SLX4IP: variants seen among roughly 807,000 people sequenced by gnomAD.
SLX4IP encodes protein SLX4IP.
A neutral mutation model predicts 32.9 loss-of-function variants in SLX4IP; 34 were observed. The ratio of observed to expected loss-of-function variants is 1.03; its 90% CI spans 0.79 to 1.38. SLX4IP has a LOEUF of 1.38. Ranked by LOEUF, SLX4IP falls within the 40% of genes most tolerant of loss-of-function variation. The probability of loss-of-function intolerance (pLI) is 0.00; values close to 1 mark genes in which losing one functional copy is unlikely to be tolerated. For missense variants in SLX4IP, 444 were observed against 479.0 expected, an observed-to-expected ratio of 0.93 and a Z score of 0.68; for synonymous variants, 172 against 171.7, an observed-to-expected ratio of 1.00 and a Z score of -0.01.
In SLX4IP at chr20:10,539,498, T is replaced by TA. The variant is rs879928418; in HGVS notation, c.28-16721dup. On this transcript the variant is annotated intron_variant, in intron 2 of 7. Coordinates refer to ENST00000334534, the MANE Select transcript of SLX4IP (RefSeq NM_001009608.3). The stretch of plus-strand genomic sequence containing the variant: ...AGAAGCTCATTATATTTTGGTTTGT[T>TA]AAAAAAAAAAAAGAAGAAAGTGACC... Among the ~76,000 whole-genome samples the TA allele has an allele frequency of 1.3e-3, 183 of 144,064 alleles. 1 individual carries two copies. The highest frequency in any genetic ancestry group is 3.2e-3 in the African/African-American group (124 of 39,310). 94.5% of individuals were successfully genotyped at this position (144,064 alleles called of 152,430 possible).
At chr20:10,611,203 T>G (rs2066962891) in intron 6 of SLX4IP, among the ~76,000 whole-genome samples, 1 of 152,240 alleles carries the variant, frequency 6.6e-6, no homozygotes, top group Non-Finnish European at 1.5e-5. Flanking sequence ...CTTTTATTGT[T>G]GGCAGAAGGT....
intron 2 of SLX4IP, among the ~76,000 whole-genome samples, chr20:10,489,886 T>C (rs1043982234): frequency 6.6e-6 from 1 of 152,234 alleles, no homozygotes; most frequent in Non-Finnish European, 1.5e-5. Context: ...TACCGAGTTA[T>C]CTTCTGAAGG....
intron 2 of SLX4IP, among the ~76,000 whole-genome samples, chr20:10,508,306 C>T (rs891932074): frequency 6.6e-6 from 1 of 152,208 alleles, no homozygotes; most frequent in African/African-American, 2.4e-5. Context: ...AGAGCCCAGC[C>T]CTGAAAATCC....
Position 10,624,418 on chromosome 20 carries a change from T to C in SLX4IP, c.*1039T>C, listed in dbSNP as rs1409038092. On this transcript the variant is annotated 3_prime_UTR_variant, in exon 8 of 8. Transcript: ENST00000334534. ...TCCCTTTACAATGTCACCCACTGTCTCCAGTGGGCTTGATGAAATGTCACA... is the reference window on the plus strand; with the variant it reads ...TCCCTTTACAATGTCACCCACTGTCCCCAGTGGGCTTGATGAAATGTCACA... The C allele has an allele frequency of 6.6e-6, 1 of 152,174 alleles. No individual in the cohort carries two copies. The highest frequency in any genetic ancestry group is 2.4e-5 in the African/African-American group (1 of 41,438). 9.4% of individuals were successfully genotyped at this position (152,174 alleles called of 1,614,324 possible).
chr20:10,618,928 G>A (rs1447504473), intron 6 of SLX4IP, among the ~76,000 whole-genome samples: 1 of 150,666 alleles, frequency 6.6e-6, no homozygotes, highest in East Asian at 2.0e-4. Flanking sequence ...ACTTGTTTGG[G>A]GGCTTGGGGG....
intron 2 of SLX4IP, among the ~76,000 whole-genome samples, chr20:10,486,442 GA>G (rs915778744): frequency 6.6e-6 from 1 of 152,146 alleles, no homozygotes; most frequent in African/African-American, 2.4e-5. Flanking sequence ...AGAACTGAAA[GA>G]GATGGAACTG....
At chr20:10,508,359 G>C (rs540570441) in intron 2 of SLX4IP, among the ~76,000 whole-genome samples, 2 of 152,246 alleles carry the variant, frequency 1.3e-5, no homozygotes, top group African/African-American at 4.8e-5. Flanking sequence ...TCCTGGGTCA[G>C]TTTGTCCTTG....
chr20:10,528,840 T>C (rs2122460626), intron 2 of SLX4IP, among the ~76,000 whole-genome samples: 1 of 152,350 alleles, frequency 6.6e-6, no homozygotes, highest in South Asian at 2.1e-4. Context: ...GATGTTTTTG[T>C]AATTCGGGAT....
intron 2 of SLX4IP, among the ~76,000 whole-genome samples, chr20:10,519,369 A>T (rs2065884865): frequency 6.6e-6 from 1 of 151,998 alleles, no homozygotes; most frequent in Non-Finnish European, 1.5e-5. Context: ...CATTCTCCTC[A>T]TCTCTGTGCC....
chr20:10,450,634 C>T (rs1029371393), intron 1 of SLX4IP, among the ~76,000 whole-genome samples: 1 of 152,198 alleles, frequency 6.6e-6, no homozygotes, highest in South Asian at 2.1e-4. Context: ...AAATTAGGAT[C>T]TCATCACATA....
At chr20:10,594,627 C>A (rs992437223) in intron 4 of SLX4IP, among the ~76,000 whole-genome samples, 2 of 152,194 alleles carry the variant, frequency 1.3e-5, no homozygotes, top group South Asian at 2.1e-4. Context: ...TGAACTGTGA[C>A]AACCCAAATA....
intron 2 of SLX4IP, among the ~76,000 whole-genome samples, chr20:10,513,535 C>A (rs541760908): frequency 2.0e-5 from 3 of 152,330 alleles, no homozygotes; most frequent in South Asian, 2.1e-4. Flanking sequence ...CTTTTCATTA[C>A]AAAATCCTTA....
At chr20:10,488,240 AAACC>A (rs1315494533) in intron 2 of SLX4IP, among the ~76,000 whole-genome samples, 2 of 152,238 alleles carry the variant, frequency 1.3e-5, no homozygotes, top group Non-Finnish European at 2.9e-5. Flanking sequence ...GGTGAACCCT[AAACC>A]AATATGACTG....
At chr20:10,597,012 A>C (rs2066778436) in intron 4 of SLX4IP, among the ~76,000 whole-genome samples, 1 of 152,234 alleles carries the variant, frequency 6.6e-6, no homozygotes, top group Non-Finnish European at 1.5e-5. Flanking sequence ...CTGTTCTTGC[A>C]CAATCTGCAT....
intron 2 of SLX4IP, among the ~76,000 whole-genome samples, chr20:10,458,784 C>G (rs982041341): frequency 9.9e-5 from 15 of 152,110 alleles, no homozygotes; most frequent in African/African-American, 3.6e-4. Flanking sequence ...TAGGTTGATT[C>G]CATGTCTTTG....
At chr20:10,463,611 T>C (rs1404005824) in intron 2 of SLX4IP, among the ~76,000 whole-genome samples, 1 of 152,236 alleles carries the variant, frequency 6.6e-6, no homozygotes, top group Non-Finnish European at 1.5e-5. Flanking sequence ...ATCATGTATT[T>C]AAATGCATTG....
At chr20:10,531,351 G>A (rs1037845696) in intron 2 of SLX4IP, among the ~76,000 whole-genome samples, 1 of 152,176 alleles carries the variant, frequency 6.6e-6, no homozygotes, top group Non-Finnish European at 1.5e-5. Context: ...GGTATATCTT[G>A]TGGACCAACA....
chr20:10,482,975 C>T (rs1227344314), intron 2 of SLX4IP, among the ~76,000 whole-genome samples: 1 of 152,052 alleles, frequency 6.6e-6, no homozygotes, highest in Non-Finnish European at 1.5e-5. Context: ...TGCACCAGTC[C>T]CAGCCATTCA....
chr20:10,551,307 T>G (rs949394470), intron 2 of SLX4IP, among the ~76,000 whole-genome samples: 1 of 152,196 alleles, frequency 6.6e-6, no homozygotes, highest in African/African-American at 2.4e-5. Context: ...TTGTTGTTGC[T>G]GATGGCAGAG....
Sources: gnomAD v4.1 joint callset for allele counts (sites outside exome capture counted in the v4.1 genomes callset) on GRCh38, gnomAD v4.1.1 for gene constraint, MANE v1.5 for transcripts, NCBI Gene and HGNC (gene_info 2026-07-23, HGNC 2026-07-21) for gene names.